Variants in AVEN observed in about 807,000 individuals in gnomAD.
The protein encoded by AVEN is apoptosis and caspase activation inhibitor.
AVEN carries 41 observed loss-of-function variants against 38.1 expected under a neutral mutation model. That is an observed-to-expected ratio of 1.08 (90% CI 0.84 to 1.40). The LOEUF (loss-of-function observed/expected upper bound fraction) is 1.40. Ranked by LOEUF, AVEN falls within the 40% of genes most tolerant of loss-of-function variation. The pLI is 0.00. For missense variants in AVEN, 605 were observed against 438.8 expected (o/e 1.38, Z -3.38); for synonymous variants, 206 against 171.8 (o/e 1.20, Z -1.56).
chr15:33,863,187 G>C (rs764097003), downstream of AVEN, among the ~76,000 whole-genome samples: 1 of 152,094 alleles, frequency 6.6e-6, no homozygotes, highest in Non-Finnish European at 1.5e-5. Flanking sequence ...AATTTTATTC[G>C]TGTTTGAGCC....
At chr15:33,958,344 C>A (rs1290987538) in intron 2 of AVEN, among the ~76,000 whole-genome samples, 1 of 152,150 alleles carries the variant, frequency 6.6e-6, no homozygotes. Context: ...CTTTGGGAGG[C>A]AGAGGTGGGT....
At chr15:33,923,582 A>AAT (rs1363042816) in intron 2 of AVEN, among the ~76,000 whole-genome samples, 1 of 152,228 alleles carries the variant, frequency 6.6e-6, no homozygotes, top group Non-Finnish European at 1.5e-5. Context: ...GCAATCAGTC[A>AAT]ATAAGTAAAT....
chr15:33,937,609 A>G (rs115487924), intron 2 of AVEN, among the ~76,000 whole-genome samples: 1,747 of 152,104 alleles, frequency 0.011, 36 homozygotes, highest in African/African-American at 0.04. Context: ...TAACCCCCCA[A>G]TGTGATAGTA....
At chr15:34,008,427 GAAAAAAAAAA>G (rs567832948) in intron 1 of AVEN, among the ~76,000 whole-genome samples, 1 of 94,226 alleles carries the variant, frequency 1.1e-5, no homozygotes, top group African/African-American at 4.9e-5. Flanking sequence ...CTCTTAAAAA[GAAAAAAAAAA>G]AGAAGAAAAA....
intron 2 of AVEN, among the ~76,000 whole-genome samples, chr15:33,942,232 A>G (rs1894343170): frequency 6.6e-6 from 1 of 152,166 alleles, no homozygotes; most frequent in South Asian, 2.1e-4. Flanking sequence ...ATGTTTGTAT[A>G]ATTTTAAGAT....
At chr15:33,862,566 C>CAAAGATAACATGTTTTTGCTGGGGG (rs1308443304), downstream of AVEN, among the ~76,000 whole-genome samples, 2 of 152,142 alleles carry the variant, frequency 1.3e-5, no homozygotes, top group Non-Finnish European at 2.9e-5. Context: ...TCAGAAGTGG[C>CAAAGATAACATGTTTTTGCTGGGGG]AAAGATAACA....
chr15:33,954,288 G>C (rs1180399153), intron 2 of AVEN, among the ~76,000 whole-genome samples: 2 of 152,056 alleles, frequency 1.3e-5, no homozygotes, highest in Non-Finnish European at 1.5e-5. Context: ...TTGACCCAGC[G>C]ATCCCATTAC....
At chr15:33,874,457 G>C (rs1567389476) in intron 3 of AVEN, among the ~76,000 whole-genome samples, 1 of 151,986 alleles carries the variant, frequency 6.6e-6, no homozygotes. Flanking sequence ...CCTCAGACAG[G>C]ACCTACCAGA....
At chr15:33,971,362 A>AT (rs1309281473) in intron 2 of AVEN, among the ~76,000 whole-genome samples, 1 of 152,072 alleles carries the variant, frequency 6.6e-6, no homozygotes, top group Non-Finnish European at 1.5e-5. Flanking sequence ...TGGAGCAAAT[A>AT]TTTTGGCTGC....
At chr15:34,008,483 CTTTTTT>C (rs200355232) in intron 1 of AVEN, among the ~76,000 whole-genome samples, 1 of 119,232 alleles carries the variant, frequency 8.4e-6, no homozygotes, top group African/African-American at 4.4e-5. Context: ...GATGAAAAAC[CTTTTTT>C]TTTTTTTTTT....
intron 11 of AVEN, among the ~76,000 whole-genome samples, chr15:33,860,813 C>G (rs1266748631): frequency 6.6e-6 from 1 of 150,614 alleles, no homozygotes; most frequent in African/African-American, 2.5e-5. Context: ...CCTGCCATAC[C>G]CCTGCCAGGC....
chr15:33,995,987 G>A lies in AVEN; in HGVS notation c.445+7045C>T, dbSNP rs143232183. On this transcript the variant is annotated intron_variant, in intron 2 of 5. Coordinates refer to ENST00000306730, the MANE Select transcript of AVEN (RefSeq NM_020371.3). The stretch of plus-strand genomic sequence containing the variant: ...CTGGACACTTCCGCCCAAATACTGC[G>A]CTTTTCCAACAGTCTTAGCAAATGG... Among the ~76,000 whole-genome samples, 893 of 150,880 alleles carry A rather than the reference G, an allele frequency of 5.9e-3. 21 individuals carry two copies. Among genetic ancestry groups the A allele is most frequent in the Admixed American group, 0.043 (644 of 15,122 alleles).
At chr15:34,017,056 G>C (rs1161152563) in intron 1 of AVEN, among the ~76,000 whole-genome samples, 1 of 151,956 alleles carries the variant, frequency 6.6e-6, no homozygotes, top group Admixed American at 6.6e-5. Context: ...ACCTCAGCCT[G>C]GGGAGGTCAA....
the AVEN span, chr15:33,852,992 G>C: frequency 6.7e-7 from 1 of 1,497,142 alleles, no homozygotes; most frequent in Non-Finnish European, 9.2e-7. Flanking sequence ...TTCTTGATGT[G>C]TTTTCCTTGA....
At chr15:33,895,327 C>CTTT (rs11418301) in intron 2 of AVEN, among the ~76,000 whole-genome samples, 1 of 141,020 alleles carries the variant, frequency 7.1e-6, no homozygotes, top group East Asian at 2.1e-4. Context: ...AACTATATTT[C>CTTT]TTTTTTTTTT....
At chr15:34,058,284 A>G (rs547824) in intron 5 of AVEN, among the ~76,000 whole-genome samples, 151,045 of 152,226 alleles carry the variant, frequency 0.99, 74,947 homozygotes, top group Middle Eastern at 1. Flanking sequence ...CTGTAGCCTA[A>G]CCAAGTGGAC....
intron 1 of AVEN, among the ~76,000 whole-genome samples, chr15:34,021,497 C>A (rs1021729069): frequency 2.0e-5 from 3 of 152,054 alleles, no homozygotes; most frequent in Non-Finnish European, 4.4e-5. Flanking sequence ...GTTGGTCAGG[C>A]TGGTCTGGAA....
At chr15:33,893,235 A>G (rs1009649486) in intron 2 of AVEN, among the ~76,000 whole-genome samples, 1 of 152,218 alleles carries the variant, frequency 6.6e-6, no homozygotes, top group African/African-American at 2.4e-5. Flanking sequence ...TGATTACACC[A>G]GCCAGAACTT....
chr15:33,929,925 G>A (rs114429499), intron 2 of AVEN, among the ~76,000 whole-genome samples: 2,494 of 152,150 alleles, frequency 0.016, 50 homozygotes, highest in African/African-American at 0.055. Context: ...TATGATAACC[G>A]GCTGATGAAA....
Sources: allele counts gnomAD v4.1 joint callset (sites outside exome capture counted in the v4.1 genomes callset), GRCh38; gene constraint gnomAD v4.1.1; transcripts MANE v1.5; gene names NCBI Gene and HGNC (gene_info 2026-07-23, HGNC 2026-07-21).